Variants in TEAD1 observed in about 807,000 individuals in gnomAD.
The protein encoded by TEAD1 is transcriptional enhancer factor TEF-1.
A neutral mutation model predicts 54.9 loss-of-function variants in TEAD1; 9 were observed. That is an observed-to-expected ratio of 0.16 (90% CI 0.10 to 0.29). TEAD1 has a LOEUF of 0.29. TEAD1 is among the 10% of genes least tolerant of loss of function. The pLI, the probability that TEAD1 is intolerant of heterozygous loss-of-function variation, is 1.00. For missense variants in TEAD1, 387 were observed against 535.9 expected (o/e 0.72, Z 2.74); for synonymous variants, 200 against 187.8 (o/e 1.07, Z -0.53).
intron 10 of TEAD1, chr11:12,922,459 G>A (rs1306811585): frequency 2.0e-5 from 1 of 49,692 alleles, no homozygotes; most frequent in African/African-American, 7.7e-5. Flanking sequence ...GCCTCCCAAA[G>A]TGCGGTTCTC....
intron 3 of TEAD1, among the ~76,000 whole-genome samples, chr11:12,821,165 T>C (rs1273379961): frequency 2.0e-5 from 3 of 152,210 alleles, no homozygotes; most frequent in Non-Finnish European, 4.4e-5. Flanking sequence ...TGTGGGATAC[T>C]TGGCTTTTCA....
At chr11:12,881,203 T>A in intron 7 of TEAD1, 152 bp downstream of exon 7, 1 of 853,090 alleles carries the variant, frequency 1.2e-6, no homozygotes, top group Non-Finnish European at 1.9e-6. Flanking sequence ...ATTGTGTACT[T>A]AGGCCCCTGG....
rs558595186 is a variant in TEAD1, at chr11:12,682,441, C to T, written c.-55+6880C>T. ...TGGTGAGGGGCTTGAGAATGGAGTTCTGTCTGGCTGCTTATAGAGGTTTTG... is the reference window on the plus strand; with the variant it reads ...TGGTGAGGGGCTTGAGAATGGAGTTTTGTCTGGCTGCTTATAGAGGTTTTG... On this transcript the variant is annotated intron_variant, in intron 2 of 12. Transcript: ENST00000527636. Among the ~76,000 whole-genome samples, 9 of 152,228 alleles carry T rather than the reference C, an allele frequency of 5.9e-5. No individual in the cohort carries two copies. The South Asian group carries it at 1.7e-3, about 28-fold the overall frequency.
intron 10 of TEAD1, chr11:12,921,166 A>G (rs1948797703): frequency 6.6e-6 from 1 of 152,192 alleles, no homozygotes; most frequent in Non-Finnish European, 1.5e-5. Flanking sequence ...AGGTTGGCAA[A>G]TTTTGGGGTT....
intron 3 of TEAD1, chr11:12,822,424 G>T: frequency 6.6e-6 from 1 of 152,338 alleles, no homozygotes; most frequent in Non-Finnish European, 1.5e-5. Flanking sequence ...AGTCTTTGGA[G>T]GGAGATGGGA....
chr11:12,735,091 AGAATCTGGGGCC>A (rs1321578995), intron 2 of TEAD1, among the ~76,000 whole-genome samples: 1 of 152,364 alleles, frequency 6.6e-6, no homozygotes, highest in East Asian at 1.9e-4. Flanking sequence ...CTAATTGACA[AGAATCTGGGGCC>A]GTCCAGAAAA....
chr11:12,805,978 C>T (rs1946163240), intron 3 of TEAD1, among the ~76,000 whole-genome samples: 1 of 152,092 alleles, frequency 6.6e-6, no homozygotes, highest in Admixed American at 6.5e-5. Flanking sequence ...GTGTGAGCTT[C>T]TCATTAGTCC....
intron 3 of TEAD1, among the ~76,000 whole-genome samples, chr11:12,838,569 G>A (rs2134029372): frequency 6.6e-6 from 1 of 152,278 alleles, no homozygotes; most frequent in South Asian, 2.1e-4. Context: ...AACATTTTAA[G>A]TAAAACGTTC....
At position 12,823,145 on chromosome 11, in the gene TEAD1, C is replaced by A. The variant is rs983803993; in HGVS notation, c.203-39105C>A. On this transcript the variant is annotated intron_variant, in intron 3 of 12. Transcript: ENST00000527636. ...GAGCATCTGTCCTGGTTCTCCTTCA[C>A]CTTGCTAATCAGGCTATCCCCCTCA... is the stretch of plus-strand genomic sequence containing the variant. Among the ~76,000 whole-genome samples, 3 of 152,196 alleles carry A rather than the reference C, an allele frequency of 2.0e-5. No homozygotes were observed. In the East Asian group the frequency reaches 5.8e-4, roughly 29 times the overall value.
intron 3 of TEAD1, among the ~76,000 whole-genome samples, chr11:12,836,615 G>C (rs1946897895): frequency 6.6e-6 from 1 of 152,092 alleles, no homozygotes; most frequent in South Asian, 2.1e-4. Flanking sequence ...AGGGGCCTTA[G>C]TAAATTTCAA....
chr11:12,730,234 T>C (rs1413166593), intron 2 of TEAD1, among the ~76,000 whole-genome samples: 5 of 152,144 alleles, frequency 3.3e-5, no homozygotes, highest in Non-Finnish European at 7.4e-5. Flanking sequence ...CTTTATTGTT[T>C]ACAAAACACT....
At chr11:12,857,882 T>G (rs1947423464) in intron 3 of TEAD1, among the ~76,000 whole-genome samples, 1 of 152,154 alleles carries the variant, frequency 6.6e-6, no homozygotes, top group East Asian at 1.9e-4. Flanking sequence ...CGCAGGAGTT[T>G]GAGACCAGCC....
At chr11:12,856,529 C>T (rs1035783482) in intron 3 of TEAD1, among the ~76,000 whole-genome samples, 1 of 151,896 alleles carries the variant, frequency 6.6e-6, no homozygotes, top group Admixed American at 6.6e-5. Flanking sequence ...CAGTTGTGCA[C>T]CCAGGTACAA....
intron 3 of TEAD1, among the ~76,000 whole-genome samples, chr11:12,802,013 C>A (rs1324968915): frequency 6.6e-6 from 1 of 152,164 alleles, no homozygotes; most frequent in Non-Finnish European, 1.5e-5. Context: ...GAGACAGAGC[C>A]CTCACTAGAT....
intron 8 of TEAD1, among the ~76,000 whole-genome samples, chr11:12,882,421 C>G (rs545352928): frequency 6.1e-4 from 93 of 152,228 alleles, no homozygotes; most frequent in African/African-American, 2.2e-3. Context: ...TCTCCTTCCC[C>G]ACAAGGCGCA....
chr11:12,774,241 C>T lies in TEAD1; in HGVS notation c.202+9807C>T, dbSNP rs570788819. On this transcript the variant is annotated intron_variant, in intron 3 of 12. Coordinates refer to ENST00000527636, the MANE Select transcript of TEAD1 (RefSeq NM_021961.6). Reference sequence around the variant, plus strand: ...GAGTTTCGAGGTGTGGCCACAAATACGGTCAACTGATGTGAATGTGGGCGA... The same window carrying T: ...GAGTTTCGAGGTGTGGCCACAAATATGGTCAACTGATGTGAATGTGGGCGA... Among the ~76,000 whole-genome samples the T allele has an allele frequency of 3.3e-5, 5 of 152,230 alleles. No individual in the cohort carries two copies. In the South Asian group the frequency reaches 6.2e-4, roughly 19 times the overall value.
At chr11:12,915,182 C>T (rs780656719) in intron 10 of TEAD1, among the ~76,000 whole-genome samples, 25 of 152,140 alleles carry the variant, frequency 1.6e-4, no homozygotes, top group Non-Finnish European at 1.9e-4. Context: ...CCCCCTGCCT[C>T]GCGCCTTAGA....
chr11:12,933,575 T>C (rs1028399517), intron 12 of TEAD1, among the ~76,000 whole-genome samples: 1 of 152,162 alleles, frequency 6.6e-6, no homozygotes, highest in Non-Finnish European at 1.5e-5. Flanking sequence ...TCTTTTTTCG[T>C]CCCCAAATAT....
At chr11:12,818,659 A>T (rs1414128018) in intron 3 of TEAD1, among the ~76,000 whole-genome samples, 1 of 152,220 alleles carries the variant, frequency 6.6e-6, no homozygotes, top group African/African-American at 2.4e-5. Context: ...CTTTGCTGTC[A>T]GAGGAGGTTC....
Sources: gnomAD v4.1 joint callset for allele counts (sites outside exome capture counted in the v4.1 genomes callset) on GRCh38, gnomAD v4.1.1 for gene constraint, MANE v1.5 for transcripts, NCBI Gene and HGNC (gene_info 2026-07-23, HGNC 2026-07-21) for gene names.